The following SPAM1 variants were observed in gnomAD, a reference collection of about 807,000 sequenced individuals.
The protein encoded by SPAM1 is sperm adhesion molecule 1, also known as hyaluronidase PH-20.
SPAM1 carries 22 observed loss-of-function variants against 29.6 expected under a neutral mutation model. The observed-to-expected ratio is 0.74, with a 90% CI of 0.53 to 1.06. SPAM1 has a LOEUF of 1.06. Among genes scored for constraint, SPAM1 ranks in the 50% least tolerant of loss-of-function variants. The pLI, the probability that SPAM1 is intolerant of heterozygous loss-of-function variation, is 0.00. For synonymous variants in SPAM1, 194 were observed against 204.6 expected, an observed-to-expected ratio of 0.95 and a Z score of 0.44; for missense variants, 534 against 604.0, an observed-to-expected ratio of 0.88 and a Z score of 1.21.
chr7:123,955,105 AAATAGGTG>A lies in SPAM1; in HGVS notation c.1044+22_1044+29del. On this transcript the variant is annotated intron_variant, in intron 4 of 4. Coordinates refer to ENST00000682466, the MANE Select transcript of SPAM1 (RefSeq NM_153189.3). The stretch of plus-strand genomic sequence containing the variant: ...AAGTATGGTAAGTTGAATTGGTAGA[AAATAGGTG>A]AAAATATTTCTATGTTTAATGTTTT... 2 of 1,444,574 alleles carry A rather than the reference AAATAGGTG, an allele frequency of 1.4e-6. No homozygotes were observed. The highest frequency in any genetic ancestry group is 1.9e-6 in the Non-Finnish European group (2 of 1,027,500). 89.5% of individuals were successfully genotyped at this position (1,444,574 alleles called of 1,614,324 possible).
At chr7:123,941,714 G>A (rs1273053310) in intron 1 of SPAM1, among the ~76,000 whole-genome samples, 1 of 152,128 alleles carries the variant, frequency 6.6e-6, no homozygotes, top group Non-Finnish European at 1.5e-5. Flanking sequence ...ATAGTTCCCA[G>A]GTTGACTTTT....
downstream of SPAM1, among the ~76,000 whole-genome samples, chr7:123,961,404 G>T (rs1563033399): frequency 6.6e-6 from 1 of 151,872 alleles, no homozygotes; most frequent in South Asian, 2.1e-4. Context: ...ACATATGAGT[G>T]AGAACATGAG....
chr7:123,970,324 T>C, intron 6 of SPAM1: 2 of 1,495,978 alleles, frequency 1.3e-6, no homozygotes, highest in Non-Finnish European at 9.1e-7. Flanking sequence ...GTGTCTTCCA[T>C]ATGTTTCTGT....
intron 5 of SPAM1, among the ~76,000 whole-genome samples, chr7:123,966,067 A>G (rs544675957): frequency 6.6e-6 from 1 of 152,106 alleles, no homozygotes; most frequent in East Asian, 1.9e-4. Flanking sequence ...TTACACAAAT[A>G]CACAAGAAAA....
At chr7:123,963,637 T>C (rs1313906799), downstream of SPAM1, among the ~76,000 whole-genome samples, 1 of 151,958 alleles carries the variant, frequency 6.6e-6, no homozygotes, top group Middle Eastern at 3.2e-3. Context: ...CATAAGGCTA[T>C]ACAAAGTTTT....
chr7:123,958,384 C>A (rs191958226), intron 4 of SPAM1, among the ~76,000 whole-genome samples: 1 of 152,150 alleles, frequency 6.6e-6, no homozygotes, highest in East Asian at 1.9e-4. Context: ...AGTTAGTCAT[C>A]GCTCATACTC....
rs902389089 is a variant in SPAM1, at chr7:123,960,001, C to T, written c.*32C>T. On this transcript the variant is annotated 3_prime_UTR_variant, in exon 5 of 5. Transcript: ENST00000682466. ...AGGTTAGCTGAAATGAACAATATGT[C>T]CATCTTAAAGTGTGCTTTTTCGACT... 2 of 1,566,646 alleles carry T rather than the reference C, an allele frequency of 1.3e-6. No homozygotes were observed. The highest frequency in any genetic ancestry group is 1.2e-5 in the South Asian group (1 of 82,430).
chr7:123,958,384 C>T (rs191958226), intron 4 of SPAM1, among the ~76,000 whole-genome samples: 13 of 152,150 alleles, frequency 8.5e-5, no homozygotes, highest in Admixed American at 2.0e-4. Context: ...AGTTAGTCAT[C>T]GCTCATACTC....
chr7:123,963,695 G>T (rs921851684), downstream of SPAM1, among the ~76,000 whole-genome samples: 1 of 150,764 alleles, frequency 6.6e-6, no homozygotes, highest in African/African-American at 2.5e-5. Flanking sequence ...AAATTCAAAA[G>T]TTCATGAGCC....
intron 1 of SPAM1, among the ~76,000 whole-genome samples, chr7:123,942,598 A>G (rs1256931541): frequency 1.3e-5 from 2 of 152,120 alleles, no homozygotes; most frequent in East Asian, 1.9e-4. Context: ...GGATTCTCAG[A>G]TTTGACTTTA....
intron 1 of SPAM1, among the ~76,000 whole-genome samples, chr7:123,944,692 A>G (rs6946984): frequency 0.11 from 17,141 of 152,148 alleles, 1,133 homozygotes; most frequent in South Asian, 0.15. Flanking sequence ...TTTCCTTTAG[A>G]CCTTCAAGAT....
intron 5 of SPAM1, among the ~76,000 whole-genome samples, chr7:123,965,545 T>C (rs1167731126): frequency 6.6e-6 from 1 of 152,086 alleles, no homozygotes; most frequent in Non-Finnish European, 1.5e-5. Context: ...CCCAGTACCA[T>C]TTATGAAATA....
At chr7:123,929,421 T>C (rs1807997707) in intron 1 of SPAM1, among the ~76,000 whole-genome samples, 1 of 152,184 alleles carries the variant, frequency 6.6e-6, no homozygotes, top group Non-Finnish European at 1.5e-5. Context: ...GCTTGTCTGG[T>C]AACTACAGTA....
chr7:123,935,209 C>T (rs1808215146), intron 1 of SPAM1, among the ~76,000 whole-genome samples: 1 of 152,048 alleles, frequency 6.6e-6, no homozygotes, highest in African/African-American at 2.4e-5. Flanking sequence ...TTGTTTTCGG[C>T]AGGAAGGAAG....
chr7:123,964,690 C>G (rs1171263608), downstream of SPAM1, among the ~76,000 whole-genome samples: 1 of 151,770 alleles, frequency 6.6e-6, no homozygotes, highest in Admixed American at 6.6e-5. Flanking sequence ...GTGTGACCCA[C>G]CACATGCGGC....
chr7:123,936,128 G>A (rs1163385019), intron 1 of SPAM1, among the ~76,000 whole-genome samples: 1 of 152,214 alleles, frequency 6.6e-6, no homozygotes, highest in East Asian at 1.9e-4. Context: ...AGACTAACAA[G>A]TTCATATGCC....
intron 1 of SPAM1, among the ~76,000 whole-genome samples, chr7:123,935,887 CCTATT>C (rs1316128341): frequency 6.6e-6 from 1 of 152,118 alleles, no homozygotes; most frequent in Non-Finnish European, 1.5e-5. Context: ...TTTATCCTAT[CCTATT>C]CTACACTATT....
rs757401941 is a variant in SPAM1, at chr7:123,954,081, T to C, written c.511T>C (p.Leu171=). ...TGTTTACAAGAATAGGTCTATTGAA[T>C]TGGTTCAGCAACAAAATGTACAACT... is the stretch of plus-strand genomic sequence containing the variant. ...KDVYKNRSIE[L]VQQQNVQLSL... Residue 171 remains leucine, a synonymous_variant, in exon 3 of 5, where the codon TTG becomes CTG. Transcript: ENST00000682466. 3 of 1,613,226 alleles carry C rather than the reference T, an allele frequency of 1.9e-6. No individual in the cohort carries two copies. Among genetic ancestry groups the C allele is most frequent in the East Asian group, 2.2e-5 (1 of 44,832 alleles).
chr7:123,957,468 A>C (rs1792273134), intron 4 of SPAM1, among the ~76,000 whole-genome samples: 1 of 152,044 alleles, frequency 6.6e-6, no homozygotes, highest in Non-Finnish European at 1.5e-5. Context: ...ACAATGTCAC[A>C]CTGTGCACAA....
Sources: allele counts gnomAD v4.1 joint callset (sites outside exome capture counted in the v4.1 genomes callset), GRCh38; gene constraint gnomAD v4.1.1; transcripts MANE v1.5; gene names NCBI Gene and HGNC (gene_info 2026-07-23, HGNC 2026-07-21).